FANCD2: variants seen among roughly 807,000 people sequenced by gnomAD.
FANCD2 encodes the protein Fanconi anemia group D2 protein.
In FANCD2, 131 loss-of-function variants were observed where a neutral mutation model predicts 192.3. The ratio of observed to expected loss-of-function variants is 0.68; its 90% confidence interval spans 0.59 to 0.79. The LOEUF (loss-of-function observed/expected upper bound fraction) is 0.79, where lower values mean the gene tolerates loss of function less well. Among genes scored for constraint, FANCD2 ranks in the 30% least tolerant of loss-of-function variants. The pLI is 0.00. For synonymous variants in FANCD2, 524 were observed against 612.5 expected, an observed-to-expected ratio of 0.86 and a Z score of 2.13; for missense variants, 1,508 against 1,701.6, an observed-to-expected ratio of 0.89 and a Z score of 2.00.
chr3:10,042,451 A>G, intron 10 of FANCD2, 108 bp from the exon 11 acceptor site: 1 of 926,812 alleles, frequency 1.1e-6, no homozygotes, highest in Non-Finnish European at 1.8e-6. Flanking sequence ...TATAAGTGGG[A>G]AGATGGAGTA....
At chr3:10,069,500 C>T (rs1288793850) in intron 26 of FANCD2, among the ~76,000 whole-genome samples, 1 of 134,152 alleles carries the variant, frequency 7.5e-6, no homozygotes, top group South Asian at 2.3e-4. Flanking sequence ...TCCCGTCTCC[C>T]TCTGATGCCG....
chr3:10,081,465 G>A lies in FANCD2; in HGVS notation c.3224+1G>A, dbSNP rs1468320596. The A allele has an allele frequency of 6.3e-7, 1 of 1,596,942 alleles. No individual in the cohort carries two copies. ...AGATTTTTCATGGGCTTTTTGCTTGGTAAGTATGTGGGAAGTGTGGAGAGA... is the reference window on the plus strand; with the variant it reads ...AGATTTTTCATGGGCTTTTTGCTTGATAAGTATGTGGGAAGTGTGGAGAGA... On this transcript the variant is annotated splice_donor_variant, in intron 32 of 43. Transcript: ENST00000675286. LOFTEE classifies it high-confidence loss of function.
Position 10,100,010 on chromosome 3 carries a change from C to A in FANCD2, c.4282-1178C>A, listed in dbSNP as rs542795836. On this transcript the variant is annotated intron_variant, in intron 43 of 43. Transcript: ENST00000675286. Reference sequence around the variant, plus strand: ...CAGAATTTCAAGACCAACCCGAGACCCCATCTCTACAGAAAAAATTTTTTT... The same window carrying A: ...CAGAATTTCAAGACCAACCCGAGACACCATCTCTACAGAAAAAATTTTTTT... Among the ~76,000 whole-genome samples the A allele has an allele frequency of 2.0e-5, 3 of 151,724 alleles. No homozygotes were observed. The South Asian group carries it at 6.3e-4, about 32-fold the overall frequency.
intron 42 of FANCD2, among the ~76,000 whole-genome samples, chr3:10,097,935 G>A (rs1559410596): frequency 6.6e-6 from 1 of 152,098 alleles, no homozygotes; most frequent in Non-Finnish European, 1.5e-5. Context: ...CTCCGTTTGG[G>A]GTCCCTGACT....
At chr3:10,060,209 T>C in intron 18 of FANCD2, 85 bp from the exon 19 acceptor site, 1 of 895,684 alleles carries the variant, frequency 1.1e-6, no homozygotes, top group Non-Finnish European at 1.8e-6. Context: ...AACGCCTTTA[T>C]AGTCTAGCTA....
chr3:10,056,149 G>A (rs1273968678), intron 18 of FANCD2, among the ~76,000 whole-genome samples: 2 of 152,200 alleles, frequency 1.3e-5, no homozygotes, highest in South Asian at 4.1e-4. Flanking sequence ...AAAGTGCTAG[G>A]ACTACAGGCG....
At chr3:10,043,713 T>C in intron 13 of FANCD2, 116 bp from the exon 14 acceptor site, 2 of 1,302,222 alleles carry the variant, frequency 1.5e-6, no homozygotes, top group East Asian at 4.6e-5. Flanking sequence ...TGATAGCTGA[T>C]GGTTGCCAGA....
chr3:10,052,491 C>G lies in FANCD2; in HGVS notation c.1650C>G (p.His550Gln). 1.2e-6 allele frequency: 2 copies of G among 1,606,922 alleles called. No individual in the cohort carries two copies. The highest frequency in any genetic ancestry group is 1.7e-6 in the Non-Finnish European group (2 of 1,175,380). Reference protein sequence around the residue: ...AFSKQNEASSHIQDDMHLVIR... With the variant: ...AFSKQNEASSQIQDDMHLVIR... The stretch of plus-strand genomic sequence containing the variant: ...GCAAACAGAATGAAGCCAGCAGCCA[C>G]ATCCAGGTAAGAGGCAATATGTTGG... The change falls in exon 18 of 44, where the codon CAC becomes CAG. Residue 550 changes from histidine to glutamine, a missense_variant. This residue lies in a region of FANCD2 where 110 missense variants were observed against 114.4 expected (regional missense o/e 0.96). Transcript: ENST00000675286.
intron 16 of FANCD2, 116 bp from the exon 17 acceptor site, chr3:10,049,258 T>C (rs2125005884): frequency 9.5e-7 from 1 of 1,056,390 alleles, no homozygotes. Context: ...GGTGATGGGT[T>C]TGGGTTGATT....
chr3:10,087,449 T>G (rs1303462266), intron 34 of FANCD2, among the ~76,000 whole-genome samples, 185 bp downstream of exon 34: 1 of 152,046 alleles, frequency 6.6e-6, no homozygotes, highest in African/African-American at 2.4e-5. Context: ...CTGCTAAAAT[T>G]GCTTAGTCTG....
intron 26 of FANCD2, among the ~76,000 whole-genome samples, chr3:10,070,489 G>T (rs1384793780): frequency 9.8e-6 from 1 of 101,610 alleles, no homozygotes; most frequent in South Asian, 3.3e-4. Flanking sequence ...CAGCCTCCCG[G>T]TCCGGGAGGG....
intron 29 of FANCD2, 149 bp downstream of exon 29, chr3:10,074,822 C>T: frequency 1.5e-6 from 1 of 668,190 alleles, no homozygotes; most frequent in Admixed American, 2.7e-5. Context: ...GATGAATAAT[C>T]ATCCTCATAC....
chr3:10,095,031 A>T, intron 40 of FANCD2, 169 bp from the exon 41 acceptor site: 1 of 654,290 alleles, frequency 1.5e-6, no homozygotes, highest in Non-Finnish European at 2.8e-6. Flanking sequence ...AGTTGAGAAT[A>T]AGAGGTAGCT....
intron 3 of FANCD2, among the ~76,000 whole-genome samples, chr3:10,034,219 G>T (rs535022465): frequency 1.3e-5 from 2 of 151,214 alleles, no homozygotes; most frequent in Non-Finnish European, 2.9e-5. Context: ...AGCTACTTGG[G>T]GGGGCTGAGG....
chr3:10,078,314 G>C (rs765871035), intron 30 of FANCD2, 117 bp downstream of exon 30: 12 of 754,514 alleles, frequency 1.6e-5, no homozygotes, highest in African/African-American at 3.4e-5. Context: ...GGGTAGCATG[G>C]GTGCAGCCGT....
At chr3:10,045,601 CTTTTTTTTTT>C (rs545828464) in intron 14 of FANCD2, 1 of 127,494 alleles carries the variant, frequency 7.8e-6, no homozygotes, top group Admixed American at 8.0e-5. Context: ...AGTAATTTTC[CTTTTTTTTTT>C]TTTTTTTTGA....
At position 10,085,373 on chromosome 3, in the gene FANCD2, ATTCTTTT is replaced by A. The variant is rs202213490; in HGVS notation, c.3225-425_3225-419del. On this transcript the variant is annotated intron_variant, in intron 32 of 43. Coordinates refer to ENST00000675286, the MANE Select transcript of FANCD2 (RefSeq NM_001018115.3). ...TGGTACTTCAGTACTTTCCATTTCA[ATTCTTTT>A]TTCTTTTTTCTTTCTTTTTTTTTTT... is the stretch of plus-strand genomic sequence containing the variant. Among the ~76,000 whole-genome samples the A allele has an allele frequency of 2.9e-3, 431 of 150,986 alleles. 10 individuals are homozygous for A. In the East Asian group the frequency reaches 0.051, roughly 18 times the overall value.
intron 18 of FANCD2, among the ~76,000 whole-genome samples, chr3:10,054,237 CGA>C (rs893866384): frequency 1.3e-4 from 20 of 149,338 alleles, no homozygotes; most frequent in African/African-American, 4.9e-4. Context: ...ATAAATAAAA[CGA>C]AGAGATTAGA....
chr3:10,085,922 G>T lies in FANCD2; in HGVS notation c.3335G>T (p.Ser1112Ile), dbSNP rs1317329752. The change falls in exon 33 of 44, where the codon AGC becomes ATC. Residue 1112 changes from serine (S) to isoleucine (I), a missense_variant and splice_region_variant. Ser to Ile is a moderately radical substitution (Grantham distance 142). Around this residue, in one of 5 missense-constraint regions of FANCD2, gnomAD observed 796 missense variants for 879.4 expected, o/e 0.91. Transcript: ENST00000675286. ...AGCCAGCCTTTGGAGGAACTACTCA[G>T]GTGAGTCATAACTACATAGCCAAGA... ...EHSQPLEELL[S>I]QSVHYLQNFH... 6.2e-7 allele frequency: 1 copy of T among 1,601,292 alleles called. No individual in the cohort carries two copies. The highest frequency in any genetic ancestry group is 8.6e-7 in the Non-Finnish European group (1 of 1,168,586).
Sources: gnomAD v4.1 joint callset for allele counts (sites outside exome capture counted in the v4.1 genomes callset) on GRCh38, gnomAD v4.1.1 for gene constraint, gnomAD v4.1.1 regional missense constraint, MANE v1.5 for transcripts, NCBI Gene and HGNC (gene_info 2026-07-23, HGNC 2026-07-21) for gene names.